LDLRAD4: variants seen among roughly 807,000 people sequenced by gnomAD.
The protein encoded by LDLRAD4 is low density lipoprotein receptor class A domain containing 4.
In LDLRAD4, 5 loss-of-function variants were observed where a neutral mutation model predicts 17.0. The observed-to-expected ratio is 0.29, with a 90% CI of 0.15 to 0.62. The LOEUF (loss-of-function observed/expected upper bound fraction) is 0.62. Ranked by LOEUF, LDLRAD4 falls within the 20% of genes least tolerant of loss-of-function variation. The pLI, the probability that LDLRAD4 is intolerant of heterozygous loss-of-function variation, is 0.84. For synonymous variants in LDLRAD4, 168 were observed against 171.8 expected, an observed-to-expected ratio of 0.98 and a Z score of 0.17; for missense variants, 340 against 424.7, an observed-to-expected ratio of 0.80 and a Z score of 1.75.
chr18:13,438,136 C>T, intron 2 of LDLRAD4, 108 bp from the exon 4 acceptor site: 3 of 1,022,538 alleles, frequency 2.9e-6, no homozygotes, highest in Non-Finnish European at 4.5e-6. Flanking sequence ...TCTGAGCTCC[C>T]AAACAATCAT....
intron 1 of LDLRAD4, among the ~76,000 whole-genome samples, chr18:13,337,406 C>T (rs2082153425): frequency 6.6e-6 from 1 of 152,160 alleles, no homozygotes; most frequent in Non-Finnish European, 1.5e-5. Context: ...TTATACCTGT[C>T]TCCTAGTTCC....
chr18:13,562,852 A>G (rs1236704182), intron 3 of LDLRAD4: 2 of 152,266 alleles, frequency 1.3e-5, no homozygotes, highest in African/African-American at 4.8e-5. Context: ...CTCCTGTGTG[A>G]TCTGAAGTAG....
chr18:13,414,663 G>C (rs2088704529), intron 2 of LDLRAD4, among the ~76,000 whole-genome samples: 1 of 152,242 alleles, frequency 6.6e-6, no homozygotes, highest in African/African-American at 2.4e-5. Flanking sequence ...CCTCAGGACA[G>C]GGATGGTGAG....
At chr18:13,583,827 A>G (rs979254877) in intron 3 of LDLRAD4, among the ~76,000 whole-genome samples, 14 of 152,070 alleles carry the variant, frequency 9.2e-5, no homozygotes, top group Non-Finnish European at 1.8e-4. Context: ...TGCCTTTCAC[A>G]GTTCTGGCAT....
rs2094599228 is a variant in LDLRAD4, at chr18:13,566,191, C to T, written c.182-54926C>T. Among the ~76,000 whole-genome samples, 3 of 152,266 alleles carry T rather than the reference C, an allele frequency of 2.0e-5. No homozygotes were observed. In the South Asian group the frequency reaches 6.2e-4, roughly 32 times the overall value. ...AACGGGCAGCCAATGAGACCCCCGT[C>T]AGTGCTGGGGAGATAGTAGGGGAAA... is the stretch of plus-strand genomic sequence containing the variant. On this transcript the variant is annotated intron_variant, in intron 3 of 5. Transcript: ENST00000359446.
chr18:13,270,133 T>C (rs1029602042), intron 1 of LDLRAD4, among the ~76,000 whole-genome samples: 1 of 152,016 alleles, frequency 6.6e-6, no homozygotes, highest in Admixed American at 6.5e-5. Context: ...GAGGCCAAGG[T>C]GGGATGATCT....
chr18:13,483,462 C>T (rs1053424315), intron 3 of LDLRAD4, among the ~76,000 whole-genome samples: 5 of 152,304 alleles, frequency 3.3e-5, no homozygotes, highest in Middle Eastern at 3.4e-3. Context: ...TCAGGCATCA[C>T]GCAGCAGTGT....
At chr18:13,640,453 A>G (rs1056623609) in intron 4 of LDLRAD4, among the ~76,000 whole-genome samples, 3 of 152,212 alleles carry the variant, frequency 2.0e-5, no homozygotes, top group Non-Finnish European at 4.4e-5. Context: ...CGTCTGGCAG[A>G]TGTCCCAAGG....
intron 1 of LDLRAD4, among the ~76,000 whole-genome samples, chr18:13,335,452 A>G (rs1052567331): frequency 2.0e-5 from 3 of 152,224 alleles, no homozygotes; most frequent in East Asian, 1.9e-4. Context: ...GTCTCCCACC[A>G]TCTTTTACTA....
intron 2 of LDLRAD4, among the ~76,000 whole-genome samples, chr18:13,428,276 T>A (rs1467217229): frequency 6.6e-6 from 1 of 152,020 alleles, no homozygotes; most frequent in Non-Finnish European, 1.5e-5. Flanking sequence ...GATGGTGATG[T>A]TTGCACGAAG....
At chr18:13,271,653 G>A (rs776304629) in intron 1 of LDLRAD4, among the ~76,000 whole-genome samples, 4 of 152,220 alleles carry the variant, frequency 2.6e-5, no homozygotes, top group Non-Finnish European at 5.9e-5. Context: ...CCTGAGGTTG[G>A]CCTTGTCCTG....
At chr18:13,305,937 G>A (rs1328882993) in intron 1 of LDLRAD4, among the ~76,000 whole-genome samples, 1 of 152,122 alleles carries the variant, frequency 6.6e-6, no homozygotes, top group Non-Finnish European at 1.5e-5. Flanking sequence ...ATATGACAAA[G>A]CAAAAGAAAT....
At chr18:13,255,953 C>T (rs1025653403) in intron 1 of LDLRAD4, among the ~76,000 whole-genome samples, 1 of 152,176 alleles carries the variant, frequency 6.6e-6, no homozygotes, top group Non-Finnish European at 1.5e-5. Context: ...TTTGGCCTGA[C>T]TTTTATCACT....
intron 1 of LDLRAD4, among the ~76,000 whole-genome samples, chr18:13,227,924 G>A (rs949937798): frequency 2.6e-5 from 4 of 152,228 alleles, no homozygotes; most frequent in Admixed American, 6.5e-5. Context: ...GAGCCTGAAC[G>A]TATCAGCACA....
chr18:13,621,238 C>G lies in LDLRAD4; in HGVS notation c.303C>G (p.Asn101Lys). 6.2e-7 allele frequency: 1 copy of G among 1,613,732 alleles called. No individual in the cohort carries two copies. The change falls in exon 4 of 6, where the codon AAC becomes AAG. Residue 101 changes from asparagine to lysine, a missense_variant. Asn to Lys is a moderately conservative substitution (Grantham distance 94). Transcript: ENST00000359446. This position sits in a 1 kb window ranked among gnomAD's most constrained non-coding sequence, Gnocchi z 5.5. Reference sequence around the variant, plus strand: ...CGCGGTCCTTCATCAACCGCCCGAACCAGAGCCGGAGGCGGGAGGACGGGC... The same window carrying G: ...CGCGGTCCTTCATCAACCGCCCGAAGCAGAGCCGGAGGCGGGAGGACGGGC...
At chr18:13,545,538 A>G (rs896819455) in intron 3 of LDLRAD4, among the ~76,000 whole-genome samples, 2 of 151,934 alleles carry the variant, frequency 1.3e-5, no homozygotes, top group African/African-American at 2.4e-5. Context: ...GGGATCCACT[A>G]ATGGCTTTCT....
chr18:13,324,938 G>A (rs763892639), intron 1 of LDLRAD4, among the ~76,000 whole-genome samples: 4 of 152,204 alleles, frequency 2.6e-5, no homozygotes, highest in Non-Finnish European at 5.9e-5. Context: ...GAGGGGTAGA[G>A]GGACGTCAAT....
chr18:13,627,839 C>T (rs927354754), intron 4 of LDLRAD4, among the ~76,000 whole-genome samples: 3 of 152,212 alleles, frequency 2.0e-5, no homozygotes, highest in Admixed American at 1.3e-4. Context: ...TTGGGAGCAG[C>T]GGTGGCCAGA....
intron 3 of LDLRAD4, among the ~76,000 whole-genome samples, chr18:13,504,969 G>A (rs2093667746): frequency 6.6e-6 from 1 of 152,152 alleles, no homozygotes; most frequent in African/African-American, 2.4e-5. Flanking sequence ...GCTTGAGTCT[G>A]GAGACCTGGA....
Sources: allele counts gnomAD v4.1 joint callset (sites outside exome capture counted in the v4.1 genomes callset), GRCh38; gene constraint gnomAD v4.1.1; non-coding constraint Gnocchi (gnomAD v3.1); transcripts MANE v1.5; gene names NCBI Gene and HGNC (gene_info 2026-07-23, HGNC 2026-07-21).